RYR2: variants seen among roughly 807,000 people sequenced by gnomAD.
RYR2 encodes cardiac muscle ryanodine receptor-calcium release channel.
A neutral mutation model predicts 601.1 loss-of-function variants in RYR2; 227 were observed. That is an observed-to-expected ratio of 0.38 (90% confidence interval 0.34 to 0.42). The LOEUF (loss-of-function observed/expected upper bound fraction) is 0.42, where lower values mean the gene tolerates loss of function less well. Among genes scored for constraint, RYR2 ranks in the 10% least tolerant of loss-of-function variants. The pLI is 1.00. For missense variants in RYR2, 4,646 were observed against 6,156.5 expected, an observed-to-expected ratio of 0.75 and a Z score of 8.21; for synonymous variants, 2,223 against 2,175.1, an observed-to-expected ratio of 1.02 and a Z score of -0.61.
intron 2 of RYR2, among the ~76,000 whole-genome samples, chr1:237,308,755 G>C (rs369924675): frequency 3.9e-5 from 6 of 152,206 alleles, no homozygotes; most frequent in Admixed American, 6.5e-5. Context: ...AGGCGTGAAA[G>C]AACAAAGCTT....
Position 237,678,091 on chromosome 1 carries a change from A to C in RYR2, c.8874A>C (p.Gln2958His), listed in dbSNP as rs749001935. The C allele has an allele frequency of 6.2e-7, 1 of 1,600,260 alleles. No individual in the cohort carries two copies. Among genetic ancestry groups the C allele is most frequent in the Non-Finnish European group, 8.6e-7 (1 of 1,169,020 alleles). The change falls in exon 61 of 105, where the codon CAA becomes CAC. Residue 2958 changes from glutamine (Q) to histidine (H), a missense_variant. This residue lies in a region of RYR2 where 1,497 missense variants were observed against 1,842.6 expected (regional missense o/e 0.81). Transcript: ENST00000366574. ...AAGGAGAACATTTCCCTTATGAACA[A>C]GAAATCAAGTTCTTTGCAAAAGTAC... is the stretch of plus-strand genomic sequence containing the variant. ...RGKGEHFPYE[Q>H]EIKFFAKVVL...
intron 1 of RYR2, among the ~76,000 whole-genome samples, chr1:237,060,701 C>T (rs1317012027): frequency 2.0e-5 from 3 of 152,252 alleles, no homozygotes; most frequent in Middle Eastern, 3.4e-3. Flanking sequence ...GTTTCTTTTG[C>T]TTCATTTATA....
In RYR2 at chr1:237,649,933, C is replaced by T. The variant is rs748943528; in HGVS notation, c.7569C>T (p.Ala2523=). 81 of 1,613,848 alleles carry T rather than the reference C, an allele frequency of 5.0e-5. No individual in the cohort carries two copies. Among genetic ancestry groups the T allele is most frequent in the East Asian group, 1.6e-4 (7 of 44,882 alleles). Residue 2523 remains alanine, a synonymous_variant, in exon 50 of 105, where the codon GCC becomes GCT. Coordinates refer to ENST00000366574, the MANE Select transcript of RYR2 (RefSeq NM_001035.3). ...ALALNRYLCT[A]VLPLLTRCAP... ...CCCTCAATCGGTACCTTTGCACAGC[C>T]GTCTTGCCATTGTTAACAAGATGTG...
intron 1 of RYR2, among the ~76,000 whole-genome samples, chr1:237,085,535 G>A (rs1344426116): frequency 6.6e-6 from 1 of 152,226 alleles, no homozygotes; most frequent in African/African-American, 2.4e-5. Flanking sequence ...GAAGCCACAA[G>A]GGTATACAAC....
chr1:237,225,012 C>T (rs1684209741), intron 1 of RYR2, among the ~76,000 whole-genome samples: 1 of 152,040 alleles, frequency 6.6e-6, no homozygotes, highest in Admixed American at 6.6e-5. Context: ...TGCTTTTAAC[C>T]ACTATGCTGT....
chr1:237,696,037 T>A (rs1246855432), intron 63 of RYR2, among the ~76,000 whole-genome samples: 2 of 152,206 alleles, frequency 1.3e-5, no homozygotes, highest in Non-Finnish European at 2.9e-5. Context: ...ACAAATATTT[T>A]AAGGGCCTGC....
intron 10 of RYR2, among the ~76,000 whole-genome samples, chr1:237,391,678 A>G (rs1702395486): frequency 6.6e-6 from 1 of 152,162 alleles, no homozygotes. Context: ...ATCCACCTCA[A>G]TAATGGGTTT....
At chr1:237,772,380 G>C (rs1251709290) in intron 86 of RYR2, among the ~76,000 whole-genome samples, 1 of 152,056 alleles carries the variant, frequency 6.6e-6, no homozygotes, top group African/African-American at 2.4e-5. Context: ...ATTTTGTAAA[G>C]CACTTTTATA....
intron 22 of RYR2, among the ~76,000 whole-genome samples, chr1:237,505,446 A>G (rs1402606101): frequency 6.6e-6 from 1 of 152,242 alleles, no homozygotes; most frequent in Non-Finnish European, 1.5e-5. Context: ...CTTAGCAATC[A>G]GATTTTTAGC....
rs1678598923 is a variant in RYR2 at position 237,180,624 on chromosome 1, G to GTGTATATGTGTA, written c.49-89872_49-89871insGTATATGTGTAT. 8.1e-6 allele frequency among the ~76,000 whole-genome samples: 1 copy of GTGTATATGTGTA among 123,196 alleles called. No individual in the cohort carries two copies. Among genetic ancestry groups the GTGTATATGTGTA allele is most frequent in the Non-Finnish European group, 1.7e-5 (1 of 57,282 alleles). The allele number at this position is 123,196 out of a possible 152,430, so 80.8% of individuals were successfully genotyped here. ...TATATATATGTATATATGTATATAT[G>GTGTATATGTGTA]TATATGTGTATATATGTATATGTAT... On this transcript the variant is annotated intron_variant, in intron 1 of 104. Coordinates refer to ENST00000366574, the MANE Select transcript of RYR2 (RefSeq NM_001035.3). This position sits in a 1 kb window ranked among gnomAD's most constrained non-coding sequence, Gnocchi z 5.3.
At chr1:237,585,773 A>G (rs901213954) in intron 29 of RYR2, among the ~76,000 whole-genome samples, 4 of 152,360 alleles carry the variant, frequency 2.6e-5, no homozygotes, top group African/African-American at 9.6e-5. Flanking sequence ...GCATAAATAC[A>G]TTCCTTTAAA....
At chr1:237,495,036 G>A (rs768804557) in intron 19 of RYR2, among the ~76,000 whole-genome samples, 23 of 152,028 alleles carry the variant, frequency 1.5e-4, no homozygotes, top group Non-Finnish European at 2.9e-4. Context: ...TGATCCGCCC[G>A]CCTTAGCCTC....
chr1:237,060,071 A>C (rs1662653190), intron 1 of RYR2, among the ~76,000 whole-genome samples: 1 of 152,222 alleles, frequency 6.6e-6, no homozygotes, highest in Non-Finnish European at 1.5e-5. Flanking sequence ...GTGTCAAATC[A>C]GTTCTACATT....
chr1:237,766,350 A>G (rs148127507), intron 84 of RYR2, among the ~76,000 whole-genome samples: 1,668 of 152,312 alleles, frequency 0.011, 16 homozygotes, highest in Middle Eastern at 0.02. Flanking sequence ...TAGATTTCCC[A>G]TTTCTCAGTC....
At chr1:237,061,531 C>A (rs1332232070) in intron 1 of RYR2, among the ~76,000 whole-genome samples, 1 of 152,166 alleles carries the variant, frequency 6.6e-6, no homozygotes, top group African/African-American at 2.4e-5. Context: ...AGGCTAGTCT[C>A]AATCTCCTGG....
chr1:237,425,462 C>T (rs148880806), intron 12 of RYR2, among the ~76,000 whole-genome samples: 14,539 of 152,056 alleles, frequency 0.096, 982 homozygotes, highest in East Asian at 0.24. Flanking sequence ...GGTGAAACCT[C>T]GTCTCTACTA....
rs192701007 is a variant in RYR2 at position 237,325,199 on chromosome 1, C to T, written c.169-5679C>T. ...AGCAGGAATATGGTGTATCTAGATT[C>T]TGTGGCAGTCATGCCAATGAAGTAG... On this transcript the variant is annotated intron_variant, in intron 2 of 104. Transcript: ENST00000366574. Among the ~76,000 whole-genome samples the T allele has an allele frequency of 7.9e-5, 12 of 152,294 alleles. No individual in the cohort carries two copies. In the East Asian group the frequency reaches 2.3e-3, roughly 29 times the overall value.
chr1:237,122,792 T>G (rs921432958), intron 1 of RYR2, among the ~76,000 whole-genome samples: 2 of 152,116 alleles, frequency 1.3e-5, no homozygotes, highest in Non-Finnish European at 2.9e-5. Context: ...TACTCCAGGG[T>G]ACTACTTTTT....
At chr1:237,821,494 G>A (rs1050091661) in intron 101 of RYR2, among the ~76,000 whole-genome samples, 6 of 152,022 alleles carry the variant, frequency 3.9e-5, no homozygotes, top group East Asian at 3.9e-4. Context: ...CAAAAAGGAC[G>A]TCCACTCAGA....
Sources: gnomAD v4.1 joint callset for allele counts (sites outside exome capture counted in the v4.1 genomes callset) on GRCh38, gnomAD v4.1.1 for gene constraint, gnomAD v4.1.1 regional missense constraint, Gnocchi (gnomAD v3.1) non-coding constraint, MANE v1.5 for transcripts, NCBI Gene and HGNC (gene_info 2026-07-23, HGNC 2026-07-21) for gene names.